CTNNA2: variants seen among roughly 807,000 people sequenced by gnomAD.
CTNNA2 encodes catenin alpha-2.
In CTNNA2, 42 loss-of-function variants were observed where a neutral mutation model predicts 101.0. The ratio of observed to expected loss-of-function variants is 0.42; its 90% CI spans 0.32 to 0.54. The LOEUF (loss-of-function observed/expected upper bound fraction) is 0.54. Ranked by LOEUF, CTNNA2 falls within the 20% of genes least tolerant of loss-of-function variation. The probability of loss-of-function intolerance (pLI) is 0.14; values close to 1 mark genes in which losing one functional copy is unlikely to be tolerated. For synonymous variants in CTNNA2, 450 were observed against 456.4 expected (o/e 0.99, Z 0.18); for missense variants, 871 against 1,223.1 (o/e 0.71, Z 4.29).
chr2:80,438,312 C>G (rs1682226469), intron 9 of CTNNA2, among the ~76,000 whole-genome samples: 1 of 152,092 alleles, frequency 6.6e-6, no homozygotes, highest in Non-Finnish European at 1.5e-5. Flanking sequence ...TTTAAAGACC[C>G]TATCTCCTAA....
At chr2:79,718,904 AGTT>A (rs1004770755) in intron 2 of CTNNA2, among the ~76,000 whole-genome samples, 3 of 151,180 alleles carry the variant, frequency 2.0e-5, no homozygotes, top group African/African-American at 7.3e-5. Flanking sequence ...GTGATTAAAT[AGTT>A]GTTTGATTTT....
intron 7 of CTNNA2, among the ~76,000 whole-genome samples, chr2:79,964,235 A>C (rs374520690): frequency 5.3e-5 from 8 of 152,340 alleles, no homozygotes; most frequent in African/African-American, 1.7e-4. Flanking sequence ...GACCGGTGTC[A>C]GAATCTTTAC....
intron 1 of CTNNA2, among the ~76,000 whole-genome samples, chr2:79,598,344 A>G (rs1677333038): frequency 1.3e-5 from 2 of 152,208 alleles, no homozygotes; most frequent in African/African-American, 4.8e-5. Flanking sequence ...TGATTGCTGG[A>G]TTGTATGGTA....
At chr2:79,934,358 T>C (rs966272752) in intron 7 of CTNNA2, among the ~76,000 whole-genome samples, 5 of 152,232 alleles carry the variant, frequency 3.3e-5, no homozygotes, top group Admixed American at 3.3e-4. Context: ...CAAACACTAA[T>C]AGCAATAATA....
chr2:80,353,555 C>G (rs541838044), intron 7 of CTNNA2, among the ~76,000 whole-genome samples: 1 of 152,138 alleles, frequency 6.6e-6, no homozygotes, highest in African/African-American at 2.4e-5. Context: ...TTAATTGAGG[C>G]TCTTTACTCC....
intron 12 of CTNNA2, among the ~76,000 whole-genome samples, chr2:80,563,987 A>G (rs1186194977): frequency 6.6e-6 from 1 of 152,156 alleles, no homozygotes; most frequent in African/African-American, 2.4e-5. Flanking sequence ...ACCTCTTAAG[A>G]TCTGAGTCTA....
At chr2:80,296,479 C>A (rs1675753740) in intron 7 of CTNNA2, among the ~76,000 whole-genome samples, 2 of 152,026 alleles carry the variant, frequency 1.3e-5, no homozygotes, top group African/African-American at 4.8e-5. Flanking sequence ...GCCATATGTT[C>A]TTTGAGAAGC....
intron 5 of CTNNA2, 140 bp from the exon 6 acceptor site, chr2:79,873,936 G>T: frequency 7.5e-7 from 1 of 1,338,136 alleles, no homozygotes. Flanking sequence ...AAGAGTATAT[G>T]CAAAGGCCTG....
chr2:79,669,647 G>T (rs1682687589), intron 2 of CTNNA2, among the ~76,000 whole-genome samples: 1 of 152,196 alleles, frequency 6.6e-6, no homozygotes, highest in Non-Finnish European at 1.5e-5. Context: ...GGATGTCTCT[G>T]CAGGTCTCTG....
chr2:80,571,063 A>G (rs998088766), intron 12 of CTNNA2, among the ~76,000 whole-genome samples: 13 of 152,168 alleles, frequency 8.5e-5, no homozygotes, highest in African/African-American at 3.1e-4. Context: ...ACCTAATAGC[A>G]TGTCACCTTC....
At chr2:79,366,405 G>A (rs1677751811) in intron 3 of CTNNA2, among the ~76,000 whole-genome samples, 1 of 152,144 alleles carries the variant, frequency 6.6e-6, no homozygotes, top group Admixed American at 6.5e-5. Flanking sequence ...CTGTGTTTGT[G>A]GGGCCTGTTT....
intron 2 of CTNNA2, among the ~76,000 whole-genome samples, chr2:79,246,455 C>T (rs1239848933): frequency 6.6e-6 from 1 of 152,096 alleles, no homozygotes; most frequent in East Asian, 1.9e-4. Flanking sequence ...GGTTGTTTTC[C>T]CACCACCTGC....
At chr2:80,410,438 G>C (rs533497009) in intron 8 of CTNNA2, among the ~76,000 whole-genome samples, 2 of 152,190 alleles carry the variant, frequency 1.3e-5, no homozygotes, top group African/African-American at 4.8e-5. Flanking sequence ...ACCTTTAAAT[G>C]TCTTGTCTTA....
intron 7 of CTNNA2, among the ~76,000 whole-genome samples, chr2:79,953,660 T>C (rs953539313): frequency 1.3e-5 from 2 of 152,212 alleles, no homozygotes; most frequent in Non-Finnish European, 2.9e-5. Context: ...TTCTGGATCA[T>C]GGCTCCTCCA....
At chr2:80,393,009 G>T (rs1677665757) in intron 7 of CTNNA2, among the ~76,000 whole-genome samples, 1 of 152,110 alleles carries the variant, frequency 6.6e-6, no homozygotes, top group Non-Finnish European at 1.5e-5. Flanking sequence ...TCCTGAGAAC[G>T]TATTGGTCTT....
chr2:80,608,023 A>T (rs564414876), intron 16 of CTNNA2, among the ~76,000 whole-genome samples, 161 bp from the exon 17 acceptor site: 1 of 152,040 alleles, frequency 6.6e-6, no homozygotes, highest in South Asian at 2.1e-4. Context: ...TCTAAACTAC[A>T]GTCTGTGGCC....
In CTNNA2 at chr2:79,411,043, T is replaced by C. The variant is rs1425316234; in HGVS notation, c.-135+37030T>C. Among the ~76,000 whole-genome samples the C allele has an allele frequency of 2.0e-5, 3 of 152,136 alleles. No individual in the cohort carries two copies. In the East Asian group the frequency reaches 5.8e-4, roughly 30 times the overall value. ...TTTTGTCTTGGGAGAGTGTACGTGTTGAGGAATTTATCCATTTCTTCTAGA... is the reference window on the plus strand; with the variant it reads ...TTTTGTCTTGGGAGAGTGTACGTGTCGAGGAATTTATCCATTTCTTCTAGA... On this transcript the variant is annotated intron_variant, in intron 4 of 21. Coordinates refer to the CTNNA2 transcript ENST00000466387.
At position 79,466,846 on chromosome 2, in the gene CTNNA2, G is replaced by C. The variant is rs772444529; in HGVS notation, c.-134-38208G>C. Among the ~76,000 whole-genome samples, 4 of 152,302 alleles carry C rather than the reference G, an allele frequency of 2.6e-5. No homozygotes were observed. In the South Asian group the frequency reaches 6.2e-4, roughly 24 times the overall value. On this transcript the variant is annotated intron_variant, in intron 4 of 21. Coordinates refer to the CTNNA2 transcript ENST00000466387. ...CTATTAGAAGGAAAACTAATGAACA[G>C]AAAGGACATCCATACCAAAACCCCA...
At chr2:79,429,546 C>T (rs929839996) in intron 4 of CTNNA2, among the ~76,000 whole-genome samples, 7 of 152,092 alleles carry the variant, frequency 4.6e-5, no homozygotes, top group Non-Finnish European at 8.8e-5. Context: ...TCCCAGTGAA[C>T]TCCTAGAAAT....
Sources: gnomAD v4.1 joint callset for allele counts (sites outside exome capture counted in the v4.1 genomes callset) on GRCh38, gnomAD v4.1.1 for gene constraint, MANE v1.5 for transcripts, NCBI Gene and HGNC (gene_info 2026-07-23, HGNC 2026-07-21) for gene names.